Variants in CASR observed in about 807,000 individuals in gnomAD.
CASR encodes the protein extracellular calcium-sensing receptor.
A neutral mutation model predicts 69.1 loss-of-function variants in CASR; 23 were observed. That is an observed-to-expected ratio of 0.33 (90% CI 0.24 to 0.47). The LOEUF is 0.47. CASR is among the 20% of genes least tolerant of loss of function. The pLI is 1.00. For synonymous variants in CASR, 541 were observed against 544.7 expected (o/e 0.99, Z 0.10); for missense variants, 924 against 1,356.1 (o/e 0.68, Z 5.00).
chr3:122,254,402 C>G, intron 2 of CASR, 28 bp downstream of exon 2: 1 of 1,602,254 alleles, frequency 6.2e-7, no homozygotes, highest in East Asian at 2.2e-5. Flanking sequence ...ATCTGCCAAT[C>G]TCTTCTCTTC....
intron 1 of CASR, among the ~76,000 whole-genome samples, chr3:122,239,892 GAATGCCCTCAAAGGGACAAATCT>G (rs2074363883): frequency 6.6e-6 from 1 of 152,182 alleles, no homozygotes; most frequent in South Asian, 2.1e-4. Flanking sequence ...AAGATCAAGA[GAATGCCCTCAAAGGGACAAATCT>G]AAGAGTTACT....
Position 122,261,950 on chromosome 3 carries a change from C to T in CASR, c.915C>T (p.Ile305=), listed in dbSNP as rs200528343. 1.9e-6 allele frequency: 3 copies of T among 1,614,002 alleles called. No homozygotes were observed. The highest frequency in any genetic ancestry group is 1.1e-5 in the South Asian group (1 of 91,084). Residue 305 remains isoleucine (I), a synonymous_variant, in exon 4 of 7, where the codon ATC becomes ATT. Coordinates refer to ENST00000639785, the MANE Select transcript of CASR (RefSeq NM_000388.4). ...ASEAWASSSL[I]AMPQYFHVVG... ...AGGCCTGGGCCAGCTCCTCCCTGATCGCCATGCCTCAGTACTTCCACGTGG... is the reference window on the plus strand; with the variant it reads ...AGGCCTGGGCCAGCTCCTCCCTGATTGCCATGCCTCAGTACTTCCACGTGG...
chr3:122,194,095 G>A (rs575827784), intron 1 of CASR, among the ~76,000 whole-genome samples: 2 of 152,062 alleles, frequency 1.3e-5, no homozygotes, highest in East Asian at 3.9e-4. Flanking sequence ...GTGCTCTCCA[G>A]TCTACACGCC....
chr3:122,219,915 C>G (rs2074154530), intron 1 of CASR, among the ~76,000 whole-genome samples: 1 of 152,154 alleles, frequency 6.6e-6, no homozygotes, highest in Non-Finnish European at 1.5e-5. Context: ...CCTTCTTGAT[C>G]TTGTCTATTT....
chr3:122,219,386 T>C (rs1576829756), intron 1 of CASR, among the ~76,000 whole-genome samples: 1 of 152,300 alleles, frequency 6.6e-6, no homozygotes, highest in East Asian at 1.9e-4. Flanking sequence ...CATGATTCCG[T>C]TGCATAAGTT....
chr3:122,195,080 A>G (rs2073876310), intron 1 of CASR, among the ~76,000 whole-genome samples: 1 of 148,254 alleles, frequency 6.7e-6, no homozygotes, highest in South Asian at 2.1e-4. Context: ...CATCTTTCTG[A>G]GGTTATTACT....
intron 4 of CASR, among the ~76,000 whole-genome samples, chr3:122,273,157 C>T (rs2074778110): frequency 6.6e-6 from 1 of 152,202 alleles, no homozygotes; most frequent in Admixed American, 6.5e-5. Flanking sequence ...ACTACTAGAG[C>T]TTTACCACAA....
chr3:122,187,632 A>C (rs762990464), intron 1 of CASR, among the ~76,000 whole-genome samples: 1 of 152,226 alleles, frequency 6.6e-6, no homozygotes, highest in Non-Finnish European at 1.5e-5. Context: ...AGGGTCAGGG[A>C]AAGGTTCTTG....
Position 122,285,132 on chromosome 3 carries a change from CAGAGCTTTGT to C in CASR, c.3179_3188del (p.Gln1060ProfsTer13). ...CCCAGCACTTGTAGTGTCCAGTTCACAGAGCTTTGTCATCAGTGGTGGAGGCAGCACTGTT... is the reference window on the plus strand; with the variant it reads ...CCCAGCACTTGTAGTGTCCAGTTCACCATCAGTGGTGGAGGCAGCACTGTT... On this transcript the variant is annotated frameshift_variant, in exon 7 of 7. Transcript: ENST00000639785. LOFTEE classifies it high-confidence loss of function. 2 of 1,614,180 alleles carry C rather than the reference CAGAGCTTTGT, an allele frequency of 1.2e-6. No individual in the cohort carries two copies. The highest frequency in any genetic ancestry group is 1.7e-6 in the Non-Finnish European group (2 of 1,180,038).
intron 4 of CASR, among the ~76,000 whole-genome samples, chr3:122,269,197 T>C (rs2074727460): frequency 6.6e-6 from 1 of 152,226 alleles, no homozygotes; most frequent in Admixed American, 6.5e-5. Flanking sequence ...AGAATTTAGA[T>C]CATATTTTCA....
chr3:122,192,733 C>T (rs1416544320), intron 1 of CASR, among the ~76,000 whole-genome samples: 1 of 152,142 alleles, frequency 6.6e-6, no homozygotes, highest in Non-Finnish European at 1.5e-5. Context: ...GCATAGATTA[C>T]CAATGTCTAT....
intron 3 of CASR, among the ~76,000 whole-genome samples, chr3:122,258,933 C>A (rs1375765115): frequency 6.6e-6 from 1 of 151,968 alleles, no homozygotes; most frequent in East Asian, 1.9e-4. Context: ...GAACCACTGC[C>A]CTGCCGGGTG....
intron 1 of CASR, among the ~76,000 whole-genome samples, chr3:122,242,364 T>G (rs1235849789): frequency 6.6e-6 from 1 of 152,048 alleles, no homozygotes; most frequent in East Asian, 1.9e-4. Context: ...ATACAAAAAC[T>G]AGTAGCATTT....
chr3:122,270,311 G>A (rs549451850), intron 4 of CASR, among the ~76,000 whole-genome samples: 35 of 152,282 alleles, frequency 2.3e-4, no homozygotes, highest in Non-Finnish European at 3.7e-4. Flanking sequence ...AATGTTCTCA[G>A]ACTATAATTA....
At chr3:122,221,379 C>G (rs954632660) in intron 1 of CASR, among the ~76,000 whole-genome samples, 2 of 152,144 alleles carry the variant, frequency 1.3e-5, no homozygotes, top group African/African-American at 4.8e-5. Context: ...CCTCTCTACC[C>G]CAGCTCTAGG....
chr3:122,200,593 A>C (rs1289735751), intron 1 of CASR, among the ~76,000 whole-genome samples: 1 of 152,196 alleles, frequency 6.6e-6, no homozygotes, highest in Admixed American at 6.5e-5. Context: ...ACTGCTGTTT[A>C]GAATTTCAGT....
At chr3:122,197,369 C>T (rs2073900705) in intron 1 of CASR, among the ~76,000 whole-genome samples, 1 of 152,140 alleles carries the variant, frequency 6.6e-6, no homozygotes. Flanking sequence ...ACTCCAGCAG[C>T]CCTTATTTTT....
intron 4 of CASR, among the ~76,000 whole-genome samples, chr3:122,267,042 C>T (rs530806977): frequency 6.6e-6 from 1 of 152,120 alleles, no homozygotes. Flanking sequence ...TGTTCTCTCT[C>T]GGGCAGATAT....
chr3:122,230,307 C>T (rs981548514), intron 1 of CASR, among the ~76,000 whole-genome samples: 1 of 152,240 alleles, frequency 6.6e-6, no homozygotes, highest in Non-Finnish European at 1.5e-5. Context: ...CCAGGGAAAA[C>T]GCTCCTTTAG....
Sources: allele counts gnomAD v4.1 joint callset (sites outside exome capture counted in the v4.1 genomes callset), GRCh38; gene constraint gnomAD v4.1.1; transcripts MANE v1.5; gene names NCBI Gene and HGNC (gene_info 2026-07-23, HGNC 2026-07-21).